Variants in NEBL observed in about 807,000 individuals in gnomAD.
NEBL encodes the protein nebulette.
NEBL carries 122 observed loss-of-function variants against 140.2 expected under a neutral mutation model. That is an observed-to-expected ratio of 0.87 (90% confidence interval 0.75 to 1.01). The LOEUF is 1.01. Among genes scored for constraint, NEBL ranks in the 50% least tolerant of loss-of-function variants. The pLI, the probability that NEBL is intolerant of heterozygous loss-of-function variation, is 0.00. For missense variants in NEBL, 1,365 were observed against 1,231.3 expected, an observed-to-expected ratio of 1.11 and a Z score of -1.62; for synonymous variants, 436 against 398.9, an observed-to-expected ratio of 1.09 and a Z score of -1.11.
intron 4 of NEBL, among the ~76,000 whole-genome samples, chr10:20,935,406 T>C (rs74120534): frequency 6.6e-6 from 1 of 152,190 alleles, no homozygotes; most frequent in South Asian, 2.1e-4. Flanking sequence ...CAGCATCTCT[T>C]CATCGAATTC....
intron 2 of NEBL, among the ~76,000 whole-genome samples, chr10:21,056,336 A>G (rs1835022736): frequency 6.6e-6 from 1 of 152,234 alleles, no homozygotes; most frequent in Non-Finnish European, 1.5e-5. Flanking sequence ...CAATTCTTTA[A>G]TTCAACCAAA....
At chr10:21,260,374 C>G (rs766604855) in intron 1 of NEBL, among the ~76,000 whole-genome samples, 31 of 152,214 alleles carry the variant, frequency 2.0e-4, no homozygotes, top group Non-Finnish European at 4.0e-4. Context: ...GGATTCCAGA[C>G]GCAGTCTGAT....
At chr10:21,105,242 G>T (rs1000909997) in intron 2 of NEBL, among the ~76,000 whole-genome samples, 2 of 151,966 alleles carry the variant, frequency 1.3e-5, no homozygotes, top group Admixed American at 6.6e-5. Flanking sequence ...ATGCAGTTTT[G>T]TTACATAGGT....
At chr10:21,197,803 G>A (rs780277071) in intron 3 of NEBL, among the ~76,000 whole-genome samples, 15 of 152,106 alleles carry the variant, frequency 9.9e-5, no homozygotes, top group African/African-American at 9.7e-5. Flanking sequence ...TACTGATGTC[G>A]GCTGGTCTTT....
chr10:21,092,975 C>T (rs1386012396), intron 2 of NEBL, among the ~76,000 whole-genome samples: 1 of 152,090 alleles, frequency 6.6e-6, no homozygotes, highest in Non-Finnish European at 1.5e-5. Context: ...CCAAAGTGGA[C>T]TCACAGTATA....
intron 2 of NEBL, among the ~76,000 whole-genome samples, chr10:21,148,687 A>G (rs1315114214): frequency 6.6e-6 from 1 of 151,852 alleles, no homozygotes; most frequent in African/African-American, 2.4e-5. Flanking sequence ...CACCATGCCC[A>G]GCTAATTTTT....
chr10:21,183,117 A>G (rs1190703267), intron 3 of NEBL, among the ~76,000 whole-genome samples: 2 of 152,186 alleles, frequency 1.3e-5, no homozygotes, highest in Non-Finnish European at 2.9e-5. Context: ...GGGCCCCCCA[A>G]GCAGGGACAC....
intron 4 of NEBL, among the ~76,000 whole-genome samples, chr10:20,950,276 T>C (rs1835395203): frequency 6.6e-6 from 1 of 152,202 alleles, no homozygotes; most frequent in Admixed American, 6.5e-5. Context: ...AATTAAGATC[T>C]CAAAAGTGGT....
chr10:20,808,572 A>T lies in NEBL; in HGVS notation c.2699T>A (p.Ile900Asn), dbSNP rs765927067. 6.2e-7 allele frequency: 1 copy of T among 1,613,804 alleles called. No homozygotes were observed. The highest frequency in any genetic ancestry group is 8.5e-7 in the Non-Finnish European group (1 of 1,179,908). ...TGAAAAGCTAGGGTAAATCTCGGAG[A>T]TTTCTGACCTGTCGTCTCCGAGACC... The part of the protein sequence containing the change: ...GTGLGDDRSE[I>N]SEIYPSFSCC... Residue 900 changes from isoleucine (I) to asparagine (N), a missense_variant, in exon 26 of 28, where the codon ATC becomes AAC. By Grantham distance (149) the Ile-to-Asn change is moderately radical. Transcript: ENST00000377122.
intron 2 of NEBL, among the ~76,000 whole-genome samples, chr10:21,142,287 G>A (rs974542360): frequency 4.3e-4 from 65 of 152,174 alleles, no homozygotes; most frequent in African/African-American, 1.5e-3. Flanking sequence ...GGTTGCACCA[G>A]CCCTGTCTAC....
chr10:21,034,167 GAAA>G (rs964552949), intron 2 of NEBL, among the ~76,000 whole-genome samples: 6 of 33,500 alleles, frequency 1.8e-4, no homozygotes, highest in Admixed American at 7.7e-4. Flanking sequence ...ACCCTATCTC[GAAA>G]AAAAAAAAAA....
chr10:20,889,172 G>A lies in NEBL; in HGVS notation c.258+673C>T, dbSNP rs79148406. On this transcript the variant is annotated intron_variant, in intron 3 of 27. Transcript: ENST00000377122. Reference sequence around the variant, plus strand: ...ATTTCATTTCCGTTTCTTTTCAAACGTATCTCTTCTAAGTGATCTATTCAC... The same window carrying A: ...ATTTCATTTCCGTTTCTTTTCAAACATATCTCTTCTAAGTGATCTATTCAC... Among the ~76,000 whole-genome samples, 164 of 152,218 alleles carry A rather than the reference G, an allele frequency of 1.1e-3. 1 individual carries two copies. The East Asian group carries it at 0.027, about 25-fold the overall frequency.
intron 7 of NEBL, among the ~76,000 whole-genome samples, chr10:20,862,874 A>T (rs550993142): frequency 1.1e-3 from 166 of 151,690 alleles, no homozygotes; most frequent in African/African-American, 3.7e-3. Flanking sequence ...TTTTTTATTA[A>T]TTTTTTTTAT....
intron 2 of NEBL, among the ~76,000 whole-genome samples, chr10:21,109,811 T>C (rs112027371): frequency 0.042 from 6,349 of 152,228 alleles, 443 homozygotes; most frequent in African/African-American, 0.14. Context: ...TATTTTCTGA[T>C]GGTAGTTTGT....
chr10:21,012,940 T>A (rs1185467734), intron 3 of NEBL, among the ~76,000 whole-genome samples: 1 of 151,938 alleles, frequency 6.6e-6, no homozygotes, highest in African/African-American at 2.4e-5. Flanking sequence ...CTCAGGAGGG[T>A]TGAGAGTAGA....
At chr10:20,887,738 TTTAACAAGCTA>T (rs2131358613) in intron 4 of NEBL, among the ~76,000 whole-genome samples, 1 of 152,278 alleles carries the variant, frequency 6.6e-6, no homozygotes, top group Admixed American at 6.5e-5. Context: ...TTATGTGGCT[TTTAACAAGCTA>T]TTCAAATATT....
chr10:21,088,045 T>C (rs924268665), intron 2 of NEBL, among the ~76,000 whole-genome samples: 3 of 152,182 alleles, frequency 2.0e-5, no homozygotes, highest in African/African-American at 7.2e-5. Flanking sequence ...ACAAACAAAG[T>C]GAAGCTTCCC....
intron 1 of NEBL, among the ~76,000 whole-genome samples, chr10:21,291,375 G>A (rs893346129): frequency 1.3e-5 from 2 of 151,646 alleles, no homozygotes; most frequent in African/African-American, 4.9e-5. Flanking sequence ...GCGTGGTGGT[G>A]CATGGCTGTA....
At chr10:20,796,488 C>A (rs1358038100) in intron 26 of NEBL, among the ~76,000 whole-genome samples, 1 of 147,014 alleles carries the variant, frequency 6.8e-6, no homozygotes, top group African/African-American at 2.5e-5. Context: ...ACCAGTTAAA[C>A]TTAATTAGCC....
Sources: gnomAD v4.1 joint callset for allele counts (sites outside exome capture counted in the v4.1 genomes callset) on GRCh38, gnomAD v4.1.1 for gene constraint, MANE v1.5 for transcripts, NCBI Gene and HGNC (gene_info 2026-07-23, HGNC 2026-07-21) for gene names.